The following IGSF10 variants were observed in gnomAD, a reference collection of about 807,000 sequenced individuals.
The protein encoded by IGSF10 is calvaria mechanical force protein 608.
IGSF10 carries 126 observed loss-of-function variants against 128.2 expected under a neutral mutation model. The observed-to-expected ratio is 0.98, with a 90% CI of 0.85 to 1.14. The LOEUF (loss-of-function observed/expected upper bound fraction) is 1.14, where lower values mean the gene tolerates loss of function less well. Among genes scored for constraint, IGSF10 ranks in the 50% most tolerant of loss-of-function variants. The probability of loss-of-function intolerance (pLI) is 0.00; values close to 1 mark genes in which losing one functional copy is unlikely to be tolerated. For synonymous variants in IGSF10, 1,185 were observed against 1,146.2 expected (o/e 1.03, Z -0.68); for missense variants, 3,295 against 3,149.8 (o/e 1.05, Z -1.10).
the IGSF10 span, among the ~76,000 whole-genome samples, chr3:151,511,979 C>T: frequency 1.3e-5 from 2 of 152,120 alleles, no homozygotes; most frequent in Admixed American, 1.3e-4. Context: ...CCTTAGTGAC[C>T]TACAAAGAGA....
At chr3:151,564,670 G>A in the IGSF10 span, among the ~76,000 whole-genome samples, 2 of 152,092 alleles carry the variant, frequency 1.3e-5, no homozygotes, top group East Asian at 3.9e-4. Context: ...ATATCTGCAT[G>A]CATTTGGGTT....
the IGSF10 span, among the ~76,000 whole-genome samples, chr3:151,606,153 A>C: frequency 6.6e-6 from 1 of 152,224 alleles, no homozygotes; most frequent in African/African-American, 2.4e-5. Context: ...ATGCACGTGC[A>C]AACGCTTTCT....
the IGSF10 span, among the ~76,000 whole-genome samples, chr3:151,491,131 AAAAT>A: frequency 1.3e-5 from 2 of 152,132 alleles, no homozygotes; most frequent in South Asian, 2.1e-4. Context: ...AGAGAAGACA[AAAAT>A]AAATAAAACA....
At chr3:151,455,190 A>C (rs1345202075) in intron 4 of IGSF10, among the ~76,000 whole-genome samples, 2 of 15,638 alleles carry the variant, frequency 1.3e-4, no homozygotes, top group South Asian at 8.3e-3. Context: ...GGCTCACTAC[A>C]ACCTCCATCT....
chr3:151,468,670 C>T, the IGSF10 span, among the ~76,000 whole-genome samples: 1 of 152,100 alleles, frequency 6.6e-6, no homozygotes, highest in Non-Finnish European at 1.5e-5. Flanking sequence ...TACCATAAAC[C>T]CCACTTTAAT....
chr3:151,547,022 C>CA, the IGSF10 span, among the ~76,000 whole-genome samples: 3 of 151,344 alleles, frequency 2.0e-5, no homozygotes, highest in Non-Finnish European at 4.4e-5. Flanking sequence ...CCACCCCCCC[C>CA]TTGGCCTCCC....
chr3:151,468,671 C>G, the IGSF10 span, among the ~76,000 whole-genome samples: 1 of 152,292 alleles, frequency 6.6e-6, no homozygotes, highest in East Asian at 1.9e-4. Context: ...ACCATAAACC[C>G]CACTTTAATA....
the IGSF10 span, among the ~76,000 whole-genome samples, chr3:151,515,889 G>T: frequency 2.0e-5 from 3 of 151,564 alleles, no homozygotes; most frequent in East Asian, 1.9e-4. Flanking sequence ...ATTTATAGAG[G>T]GATTTCATTC....
At chr3:151,486,587 G>A in the IGSF10 span, among the ~76,000 whole-genome samples, 33 of 152,144 alleles carry the variant, frequency 2.2e-4, no homozygotes, top group African/African-American at 7.7e-4. Flanking sequence ...TTCAGCAAAT[G>A]CAAAAGAACG....
Position 151,453,751 on chromosome 3 carries a change from T to A in IGSF10, c.348A>T (p.Lys116Asn), listed in dbSNP as rs758188876. Residue 116 changes from lysine to asparagine, a missense_variant, in exon 5 of 8, where the codon AAA becomes AAT. Transcript: ENST00000282466. ...AAGTATCTTTCTGAAGTTTTCGGAC[T>A]TTATTATAGCTCATTTTTAAGACCT... ...ALQVLKMSYN[K>N]VRKLQKDTFY... 3 of 1,565,754 alleles carry A rather than the reference T, an allele frequency of 1.9e-6. No individual in the cohort carries two copies. The highest frequency in any genetic ancestry group is 2.4e-5 in the South Asian group (2 of 83,954).
chr3:151,510,508 C>CG, the IGSF10 span, among the ~76,000 whole-genome samples: 1 of 151,804 alleles, frequency 6.6e-6, no homozygotes, highest in African/African-American at 2.4e-5. Flanking sequence ...ACCACAAAGA[C>CG]GGGGAAAAAA....
the IGSF10 span, among the ~76,000 whole-genome samples, chr3:151,557,237 C>A: frequency 1.3e-5 from 2 of 152,062 alleles, no homozygotes; most frequent in Non-Finnish European, 2.9e-5. Context: ...GCTCAAACAC[C>A]CTTCCTCTTC....
the IGSF10 span, among the ~76,000 whole-genome samples, chr3:151,564,411 T>G: frequency 6.6e-6 from 1 of 150,674 alleles, no homozygotes; most frequent in Non-Finnish European, 1.5e-5. Context: ...AAGAATTTAT[T>G]TCCTTCCTTC....
intron 5 of IGSF10, among the ~76,000 whole-genome samples, chr3:151,453,001 C>T (rs1281994406): frequency 6.6e-6 from 1 of 151,852 alleles, no homozygotes; most frequent in Non-Finnish European, 1.5e-5. Flanking sequence ...CAAAAACTGC[C>T]TGTGTGCCTG....
the IGSF10 span, among the ~76,000 whole-genome samples, chr3:151,617,900 G>A: frequency 6.6e-6 from 1 of 152,158 alleles, no homozygotes; most frequent in East Asian, 1.9e-4. Flanking sequence ...TGTTATAAAA[G>A]CCAGATTAGC....
the IGSF10 span, among the ~76,000 whole-genome samples, chr3:151,549,195 C>T: frequency 3.9e-5 from 6 of 152,048 alleles, no homozygotes; most frequent in East Asian, 1.9e-4. Context: ...GTGGCTTTAC[C>T]GCTTGATATT....
At chr3:151,478,521 G>C in the IGSF10 span, among the ~76,000 whole-genome samples, 1 of 152,166 alleles carries the variant, frequency 6.6e-6, no homozygotes, top group Non-Finnish European at 1.5e-5. Context: ...CAGCATACCA[G>C]AGTAACATAT....
chr3:151,571,396 C>T, the IGSF10 span, among the ~76,000 whole-genome samples: 22 of 152,210 alleles, frequency 1.4e-4, no homozygotes, highest in Admixed American at 7.9e-4. Flanking sequence ...TCTTTTATTT[C>T]GTTGAGCGGT....
the IGSF10 span, among the ~76,000 whole-genome samples, chr3:151,500,633 A>C: frequency 2.0e-5 from 3 of 152,162 alleles, no homozygotes; most frequent in Admixed American, 6.6e-5. Flanking sequence ...TTATCATCCC[A>C]ATTTACAAAT....
Sources: allele counts gnomAD v4.1 joint callset (sites outside exome capture counted in the v4.1 genomes callset), GRCh38; gene constraint gnomAD v4.1.1; transcripts MANE v1.5; gene names NCBI Gene and HGNC (gene_info 2026-07-23, HGNC 2026-07-21).